GATAD2A: variants seen among roughly 807,000 people sequenced by gnomAD.
The protein encoded by GATAD2A is transcriptional repressor p66-alpha.
GATAD2A carries 12 observed loss-of-function variants against 68.5 expected under a neutral mutation model. That is an observed-to-expected ratio of 0.18 (90% confidence interval 0.11 to 0.28). The LOEUF (loss-of-function observed/expected upper bound fraction) is 0.28, where lower values mean the gene tolerates loss of function less well. Ranked by LOEUF, GATAD2A falls within the 10% of genes least tolerant of loss-of-function variation. GATAD2A has a pLI of 1.00. For missense variants in GATAD2A, 755 were observed against 868.5 expected (o/e 0.87, Z 1.64); for synonymous variants, 410 against 375.3 (o/e 1.09, Z -1.07).
At chr19:19,440,223 TG>T in intron 1 of GATAD2A, 1 of 293,424 alleles carries the variant, frequency 3.4e-6, no homozygotes, top group South Asian at 3.0e-5. Context: ...TAAGGAAAGG[TG>T]GGGGGATTTG....
chr19:19,431,338 GGGCTCCTCAGATC>G (rs2147438835), intron 1 of GATAD2A, among the ~76,000 whole-genome samples: 1 of 150,520 alleles, frequency 6.6e-6, no homozygotes, highest in Non-Finnish European at 1.5e-5. Flanking sequence ...CTCCTGCAGT[GGGCTCCTCAGATC>G]GGCCCCTTCT....
rs2059302394 is a variant in GATAD2A at position 19,484,549 on chromosome 19, T to G, written c.270-7757T>G. On this transcript the variant is annotated intron_variant, in intron 2 of 11. Coordinates refer to ENST00000683918, the MANE Select transcript of GATAD2A (RefSeq NM_001384528.1). ...TTTTTTTTCTTTTTTTTTTTTTTTT[T>G]TGAGACGGAGTCTGGCTGTCGCCCA... Among the ~76,000 whole-genome samples, 3 of 148,120 alleles carry G rather than the reference T, an allele frequency of 2.0e-5. No homozygotes were observed. In the South Asian group the frequency reaches 6.7e-4, roughly 33 times the overall value.
intron 5 of GATAD2A, 135 bp from the exon 6 acceptor site, chr19:19,495,619 A>G (rs2060090288): frequency 1.2e-6 from 1 of 859,508 alleles, no homozygotes; most frequent in South Asian, 2.0e-5. Context: ...AATTTTCTTT[A>G]ACTTCTCTGC....
At chr19:19,446,635 C>A (rs962442630) in intron 1 of GATAD2A, among the ~76,000 whole-genome samples, 2 of 152,078 alleles carry the variant, frequency 1.3e-5, no homozygotes, top group Non-Finnish European at 2.9e-5. Context: ...GTTTTTTCTT[C>A]TAAGAGTTTT....
At chr19:19,496,281 G>A (rs777887495) in intron 7 of GATAD2A, 62 bp downstream of exon 7, 510 of 1,461,020 alleles carry the variant, frequency 3.5e-4, no homozygotes, top group Non-Finnish European at 4.4e-4. Context: ...TGCTCCCCTT[G>A]GACCCAGGTT....
chr19:19,394,217 C>T (rs2049055494), intron 1 of GATAD2A, among the ~76,000 whole-genome samples: 1 of 151,714 alleles, frequency 6.6e-6, no homozygotes, highest in Admixed American at 6.6e-5. Flanking sequence ...TCAGTGGAGA[C>T]GTGTTTTTGG....
chr19:19,449,905 G>T (rs964224533), intron 1 of GATAD2A, among the ~76,000 whole-genome samples: 2 of 152,230 alleles, frequency 1.3e-5, no homozygotes, highest in South Asian at 4.1e-4. Context: ...GGGAAAGCCA[G>T]AGGTGCCTTT....
intron 1 of GATAD2A, among the ~76,000 whole-genome samples, chr19:19,454,737 C>CCCG (rs1555707171): frequency 6.1e-5 from 8 of 131,298 alleles, no homozygotes; most frequent in Middle Eastern, 4.0e-3. Flanking sequence ...TGCCCCCCCC[C>CCCG]ACCCCCTTAG....
At chr19:19,439,992 G>T (rs2054815371) in intron 1 of GATAD2A, 1 of 176,388 alleles carries the variant, frequency 5.7e-6, no homozygotes, top group Non-Finnish European at 1.2e-5. Flanking sequence ...CAACACTCCG[G>T]AAACAAACAA....
At chr19:19,433,296 A>T (rs2053949856) in intron 1 of GATAD2A, among the ~76,000 whole-genome samples, 1 of 152,062 alleles carries the variant, frequency 6.6e-6, no homozygotes, top group Non-Finnish European at 1.5e-5. Context: ...CTATTTTGTC[A>T]GTCTGCTTGT....
chr19:19,486,307 C>T (rs2059424956), intron 2 of GATAD2A, among the ~76,000 whole-genome samples: 1 of 152,242 alleles, frequency 6.6e-6, no homozygotes, highest in Admixed American at 6.5e-5. Context: ...TGTTTGCTGC[C>T]CTTATCTTCC....
At chr19:19,489,536 A>T (rs960755352) in intron 2 of GATAD2A, among the ~76,000 whole-genome samples, 2 of 152,220 alleles carry the variant, frequency 1.3e-5, no homozygotes, top group African/African-American at 4.8e-5. Context: ...TGGTGACATC[A>T]TCTCTTGGAT....
chr19:19,505,508 C>T lies in GATAD2A; in HGVS notation c.*34C>T. 6.5e-7 allele frequency: 1 copy of T among 1,539,964 alleles called. No homozygotes were observed. Among genetic ancestry groups the T allele is most frequent in the Non-Finnish European group, 8.8e-7 (1 of 1,142,614 alleles). ...AGGCCCCGTGGAAGACGGGCTCCCT[C>T]CTCCCCCACCTGGCCCCTGGTCTAG... On this transcript the variant is annotated 3_prime_UTR_variant, in exon 12 of 12. Coordinates refer to ENST00000683918, the MANE Select transcript of GATAD2A (RefSeq NM_001384528.1).
intron 1 of GATAD2A, among the ~76,000 whole-genome samples, chr19:19,400,022 AT>A (rs11367631): frequency 0.2 from 29,005 of 146,728 alleles, 2,977 homozygotes; most frequent in South Asian, 0.35. Flanking sequence ...TAGTTTTCTG[AT>A]TTTTTTTTTT....
chr19:19,395,571 C>A (rs1047695124), intron 1 of GATAD2A, among the ~76,000 whole-genome samples: 1 of 152,150 alleles, frequency 6.6e-6, no homozygotes, highest in Non-Finnish European at 1.5e-5. Context: ...TCAACTAATA[C>A]ACCCACAAAC....
chr19:19,412,872 G>A (rs998745970), intron 1 of GATAD2A, among the ~76,000 whole-genome samples: 20 of 152,112 alleles, frequency 1.3e-4, no homozygotes, highest in Non-Finnish European at 2.9e-5. Context: ...TCCAATTTAC[G>A]ATGGATTGAC....
At position 19,478,183 on chromosome 19, in the gene GATAD2A, C is replaced by T. The variant is rs367675491; in HGVS notation, c.269+12569C>T. 8.5e-5 allele frequency among the ~76,000 whole-genome samples: 13 copies of T among 152,296 alleles called. 1 individual carries two copies. Among genetic ancestry groups the T allele is most frequent in the South Asian group, 8.3e-4 (4 of 4,810 alleles). ...AGGATCCCAGCCTCTGTACTACTGT[C>T]GAGGCTGCCAGAGATGGGAAATCCT... On this transcript the variant is annotated intron_variant, in intron 2 of 11. Transcript: ENST00000683918.
At position 19,469,872 on chromosome 19, in the gene GATAD2A, G is replaced by A. The variant is rs929208283; in HGVS notation, c.269+4258G>A. Among the ~76,000 whole-genome samples, 7 of 151,722 alleles carry A rather than the reference G, an allele frequency of 4.6e-5. No homozygotes were observed. The East Asian group carries it at 5.8e-4, about 13-fold the overall frequency. On this transcript the variant is annotated intron_variant, in intron 2 of 11. Transcript: ENST00000683918. ...TGAGGCAGGAGAATCACTTGAATCCGTGAAGCGGAGGTTGCAGTAAGCTGA... is the reference window on the plus strand; with the variant it reads ...TGAGGCAGGAGAATCACTTGAATCCATGAAGCGGAGGTTGCAGTAAGCTGA...
At chr19:19,424,188 G>T (rs986314751) in intron 1 of GATAD2A, among the ~76,000 whole-genome samples, 1 of 151,668 alleles carries the variant, frequency 6.6e-6, no homozygotes, top group Non-Finnish European at 1.5e-5. Flanking sequence ...CGTCCCAAAG[G>T]GCTGGGATTA....
Sources: gnomAD v4.1 joint callset for allele counts (sites outside exome capture counted in the v4.1 genomes callset) on GRCh38, gnomAD v4.1.1 for gene constraint, MANE v1.5 for transcripts, NCBI Gene and HGNC (gene_info 2026-07-23, HGNC 2026-07-21) for gene names.